Variants in RGS9 observed in about 807,000 individuals in gnomAD.
RGS9 encodes regulator of G protein signaling 9.
A neutral mutation model predicts 102.0 loss-of-function variants in RGS9; 78 were observed. The ratio of observed to expected loss-of-function variants is 0.76; its 90% confidence interval spans 0.64 to 0.92. The LOEUF (loss-of-function observed/expected upper bound fraction) is 0.92, where lower values mean the gene tolerates loss of function less well. RGS9 is among the 40% of genes least tolerant of loss of function. RGS9 has a pLI of 0.00. For synonymous variants in RGS9, 353 were observed against 318.6 expected, an observed-to-expected ratio of 1.11 and a Z score of -1.15; for missense variants, 833 against 866.1, an observed-to-expected ratio of 0.96 and a Z score of 0.48.
rs76341187 is a variant in RGS9 at position 65,151,430 on chromosome 17, A to G, written c.58-1992A>G. On this transcript the variant is annotated intron_variant, in intron 1 of 18. Transcript: ENST00000262406. The stretch of plus-strand genomic sequence containing the variant: ...AATAATTTTTAATAATAAAAATGAA[A>G]AAAACAACTCTAAAGATAGTCAGGG... Among the ~76,000 whole-genome samples, 14 of 152,248 alleles carry G rather than the reference A, an allele frequency of 9.2e-5. No homozygotes were observed. In the East Asian group the frequency reaches 2.7e-3, roughly 29 times the overall value.
At chr17:65,143,589 C>T (rs1598553299) in intron 1 of RGS9, among the ~76,000 whole-genome samples, 1 of 151,972 alleles carries the variant, frequency 6.6e-6, no homozygotes, top group Non-Finnish European at 1.5e-5. Context: ...CGAGACTAGC[C>T]TGGGCAACAT....
rs776371602 is a variant in RGS9 at position 65,145,550 on chromosome 17, AT to A, written c.58-7858del. Among the ~76,000 whole-genome samples, 276 of 108,038 alleles carry A rather than the reference AT, an allele frequency of 2.6e-3. 2 individuals carry two copies. The Middle Eastern group carries it at 0.035, about 14-fold the overall frequency. The allele number at this position is 108,038 out of a possible 152,430, so 70.9% of individuals were successfully genotyped here. A position where few individuals can be genotyped will look rare whatever the true frequency, so the allele number is the denominator to read the frequency against. On this transcript the variant is annotated intron_variant, in intron 1 of 18. Coordinates refer to ENST00000262406, the MANE Select transcript of RGS9 (RefSeq NM_003835.4). ...TTGTAGCCTGCCACCACTCCTGGCTATTTTTTTTTTTTTTAATATATTTTTA... is the reference window on the plus strand; with the variant it reads ...TTGTAGCCTGCCACCACTCCTGGCTATTTTTTTTTTTTTAATATATTTTTA...
At chr17:65,186,162 T>TTTTATTTATTTATTTA (rs60422854) in intron 9 of RGS9, among the ~76,000 whole-genome samples, 13 of 138,042 alleles carry the variant, frequency 9.4e-5, no homozygotes, top group Middle Eastern at 3.5e-3. Context: ...TTGGTTTACA[T>TTTTATTTATTTATTTA]TTTATTTATT....
chr17:65,203,781 C>A (rs1240722844), intron 14 of RGS9, among the ~76,000 whole-genome samples: 2 of 152,106 alleles, frequency 1.3e-5, no homozygotes, highest in African/African-American at 4.8e-5. Context: ...CCCCAGAACA[C>A]CTGTGTGAAG....
intron 2 of RGS9, among the ~76,000 whole-genome samples, chr17:65,156,009 A>T (rs1055823483): frequency 6.6e-6 from 1 of 151,334 alleles, no homozygotes; most frequent in African/African-American, 2.4e-5. Context: ...CAGAGTCCAT[A>T]TATATATTTT....
chr17:65,212,871 G>A (rs914860100), intron 17 of RGS9, among the ~76,000 whole-genome samples: 6 of 152,232 alleles, frequency 3.9e-5, no homozygotes, highest in African/African-American at 1.4e-4. Flanking sequence ...GGTGACACGA[G>A]AGGAGGGACT....
chr17:65,170,601 T>C (rs1911377455), intron 8 of RGS9, among the ~76,000 whole-genome samples: 1 of 152,314 alleles, frequency 6.6e-6, no homozygotes. Context: ...TTCAGTCCTT[T>C]GGTAACCTCC....
At chr17:65,214,552 G>C (rs1229507647) in intron 17 of RGS9, among the ~76,000 whole-genome samples, 1 of 152,236 alleles carries the variant, frequency 6.6e-6, no homozygotes, top group East Asian at 1.9e-4. Flanking sequence ...TCAAAGGAGA[G>C]TAGGGTGTCA....
intron 1 of RGS9, among the ~76,000 whole-genome samples, chr17:65,141,909 C>T (rs888730197): frequency 2.6e-5 from 4 of 152,112 alleles, no homozygotes; most frequent in African/African-American, 9.7e-5. Flanking sequence ...GAGAGCTGGC[C>T]CCAAGTGTAC....
At position 65,175,569 on chromosome 17, in the gene RGS9, C is replaced by T. The variant is rs561502711; in HGVS notation, c.583-2163C>T. Among the ~76,000 whole-genome samples the T allele has an allele frequency of 3.9e-5, 6 of 152,250 alleles. No individual in the cohort carries two copies. In the South Asian group the frequency reaches 1.2e-3, roughly 32 times the overall value. ...GTAATGCCTGCTGGGGAGCAGTGGTCTCGGGGCACACTCACCATGGGCTCC... is the reference window on the plus strand; with the variant it reads ...GTAATGCCTGCTGGGGAGCAGTGGTTTCGGGGCACACTCACCATGGGCTCC... On this transcript the variant is annotated intron_variant, in intron 8 of 18. Coordinates refer to ENST00000262406, the MANE Select transcript of RGS9 (RefSeq NM_003835.4).
chr17:65,198,499 ACCTGCCT>A (rs1012209048), intron 13 of RGS9, among the ~76,000 whole-genome samples: 1 of 151,688 alleles, frequency 6.6e-6, no homozygotes, highest in Non-Finnish European at 1.5e-5. Context: ...CTAGTGATCC[ACCTGCCT>A]CGGCCTCCCA....
At chr17:65,156,177 C>G (rs1199913627) in intron 2 of RGS9, among the ~76,000 whole-genome samples, 1 of 152,186 alleles carries the variant, frequency 6.6e-6, no homozygotes, top group African/African-American at 2.4e-5. Context: ...CACCCACCAC[C>G]ACATCCAACT....
intron 2 of RGS9, among the ~76,000 whole-genome samples, chr17:65,157,293 G>A (rs537213741): frequency 7.2e-5 from 11 of 151,942 alleles, no homozygotes; most frequent in South Asian, 2.1e-4. Context: ...GCGGTGCTTC[G>A]TTCCAGGGCA....
chr17:65,225,517 A>C (rs1029221630), intron 18 of RGS9, 31 bp downstream of exon 18: 1 of 1,599,426 alleles, frequency 6.3e-7, no homozygotes, highest in Non-Finnish European at 8.5e-7. Flanking sequence ...TGCCGTATGC[A>C]TGGGTGGCTG....
rs948246272 is a variant in RGS9, at chr17:65,173,897, C to A, written c.583-3835C>A. On this transcript the variant is annotated intron_variant, in intron 8 of 18. Coordinates refer to ENST00000262406, the MANE Select transcript of RGS9 (RefSeq NM_003835.4). The surrounding 1 kb of genome is among the most constrained non-coding windows in gnomAD (Gnocchi z 4.8). ...AAACCAGCAGAGGCAGAAAGGCAGC[C>A]CTCTCACCAGTTTCGAGGGCAGGGA... Among the ~76,000 whole-genome samples, 7 of 152,162 alleles carry A rather than the reference C, an allele frequency of 4.6e-5. No individual in the cohort carries two copies. Among genetic ancestry groups the A allele is most frequent in the Admixed American group, 2.0e-4 (3 of 15,276 alleles).
rs1905585348 is a variant in RGS9 at position 65,225,166 on chromosome 17, A to G, written c.1572A>G (p.Ser524=). The G allele has an allele frequency of 6.2e-7, 1 of 1,612,990 alleles. No homozygotes were observed. The highest frequency in any genetic ancestry group is 1.3e-5 in the African/African-American group (1 of 74,716). The change falls in exon 18 of 19, where the codon TCA becomes TCG. Residue 524 remains serine, a synonymous_variant. Transcript: ENST00000262406. ...GACCCAGCACCACCATCTGCCCCTC[A>G]CCCATCAGAGTGGCCTTGGAGAGCT... The part of the protein sequence containing the change: ...IRRPSTTICP[S]PIRVALESSS...
chr17:65,190,076 T>C (rs989860000), intron 10 of RGS9, 99 bp from the exon 11 acceptor site: 10 of 957,424 alleles, frequency 1.0e-5, no homozygotes, highest in African/African-American at 4.8e-5. Context: ...GAACGGGATG[T>C]GGCTCTGGGT....
intron 8 of RGS9, among the ~76,000 whole-genome samples, chr17:65,176,758 T>TCCAC (rs1307617971): frequency 3.8e-4 from 44 of 114,572 alleles, no homozygotes; most frequent in African/African-American, 6.9e-4. Context: ...CATCCACCCA[T>TCCAC]CCACCCATCC....
chr17:65,210,413 C>T (rs903609773), intron 16 of RGS9, 75 bp from the exon 17 acceptor site: 2 of 1,531,114 alleles, frequency 1.3e-6, no homozygotes, highest in Non-Finnish European at 1.8e-6. Context: ...CCCCAGCTCC[C>T]ATCAAGTGTG....
Sources: gnomAD v4.1 joint callset for allele counts (sites outside exome capture counted in the v4.1 genomes callset) on GRCh38, gnomAD v4.1.1 for gene constraint, Gnocchi (gnomAD v3.1) non-coding constraint, MANE v1.5 for transcripts, NCBI Gene and HGNC (gene_info 2026-07-23, HGNC 2026-07-21) for gene names.